NSUN6: variants seen among roughly 807,000 people sequenced by gnomAD.
The protein encoded by NSUN6 is tRNA (cytosine(72)-C(5))-methyltransferase NSUN6.
NSUN6 carries 64 observed loss-of-function variants against 58.0 expected under a neutral mutation model. The ratio of observed to expected loss-of-function variants is 1.10; its 90% CI spans 0.90 to 1.36. NSUN6 has a LOEUF of 1.36. Among genes scored for constraint, NSUN6 ranks in the 40% most tolerant of loss-of-function variants. The pLI is 0.00. For synonymous variants in NSUN6, 231 were observed against 193.9 expected, an observed-to-expected ratio of 1.19 and a Z score of -1.59; for missense variants, 701 against 550.1, an observed-to-expected ratio of 1.27 and a Z score of -2.74.
chr10:18,572,984 C>A (rs965070627), intron 8 of NSUN6, among the ~76,000 whole-genome samples: 43 of 151,094 alleles, frequency 2.8e-4, no homozygotes, highest in African/African-American at 1.0e-3. Context: ...ATTCTCCATT[C>A]CTTTCTCTAT....
Position 18,625,839 on chromosome 10 carries a change from T to A in NSUN6, c.312-9546A>T, listed in dbSNP as rs192085228. Among the ~76,000 whole-genome samples the A allele has an allele frequency of 6.6e-3, 956 of 145,454 alleles. 7 individuals are homozygous for A. Among genetic ancestry groups the A allele is most frequent in the Non-Finnish European group, 9.0e-3 (599 of 66,668 alleles). ...AACTAAGAATTCCACAGATCTCCAA[T>A]CAAAAGACAACGTACTGTTAAAAGG... On this transcript the variant is annotated intron_variant, in intron 3 of 10. Transcript: ENST00000377304.
At chr10:18,612,657 G>C (rs1176469172) in intron 5 of NSUN6, among the ~76,000 whole-genome samples, 1 of 152,110 alleles carries the variant, frequency 6.6e-6, no homozygotes, top group Non-Finnish European at 1.5e-5. Flanking sequence ...GGTGCTCTTC[G>C]ACTATCTCCT....
chr10:18,635,334 CTGTA>C, intron 3 of NSUN6, among the ~76,000 whole-genome samples: 1 of 152,264 alleles, frequency 6.6e-6, no homozygotes, highest in Admixed American at 6.5e-5. Context: ...ATTAGTGTGA[CTGTA>C]TGATAGGTTC....
At chr10:18,571,019 A>G (rs2056329253) in intron 8 of NSUN6, among the ~76,000 whole-genome samples, 1 of 144,984 alleles carries the variant, frequency 6.9e-6, no homozygotes, top group African/African-American at 2.6e-5. Flanking sequence ...TCAATTCCCC[A>G]TTCCATTCCA....
intron 3 of NSUN6, among the ~76,000 whole-genome samples, chr10:18,627,302 G>A (rs1359146534): frequency 6.6e-6 from 1 of 152,136 alleles, no homozygotes; most frequent in African/African-American, 2.4e-5. Context: ...TGATTCATTT[G>A]TATTTTAAAT....
At chr10:18,569,919 C>G (rs906314810) in intron 8 of NSUN6, among the ~76,000 whole-genome samples, 3 of 151,044 alleles carry the variant, frequency 2.0e-5, no homozygotes, top group South Asian at 4.2e-4. Flanking sequence ...ATTCTCCATT[C>G]CATTCCTTTC....
chr10:18,616,776 T>C (rs1412975420), intron 3 of NSUN6, among the ~76,000 whole-genome samples: 3 of 152,174 alleles, frequency 2.0e-5, no homozygotes, highest in Non-Finnish European at 4.4e-5. Flanking sequence ...GTTTCTCACA[T>C]TCATTTCTTA....
At chr10:18,557,480 G>A (rs1053416311) in intron 8 of NSUN6, among the ~76,000 whole-genome samples, 1 of 150,924 alleles carries the variant, frequency 6.6e-6, no homozygotes, top group Non-Finnish European at 1.5e-5. Flanking sequence ...AGAATGGAAT[G>A]GAATAGAGCA....
chr10:18,629,571 T>A (rs7894903), intron 3 of NSUN6, among the ~76,000 whole-genome samples: 63,596 of 122,798 alleles, frequency 0.52, 17,836 homozygotes, highest in East Asian at 0.96. Context: ...TCTACCAAGC[T>A]AATGGAAAAC....
intron 4 of NSUN6, among the ~76,000 whole-genome samples, chr10:18,615,166 TAC>T (rs1459653473): frequency 1.3e-5 from 2 of 151,816 alleles, no homozygotes; most frequent in African/African-American, 2.4e-5. Context: ...CGTGTGTGTA[TAC>T]ACTTAGAATA....
chr10:18,600,169 GTA>G (rs2057749015), intron 6 of NSUN6, among the ~76,000 whole-genome samples: 1 of 151,998 alleles, frequency 6.6e-6, no homozygotes, highest in African/African-American at 2.4e-5. Context: ...GCCACAGGGG[GTA>G]TTGGCTTGGG....
intron 6 of NSUN6, among the ~76,000 whole-genome samples, chr10:18,600,988 A>ATACATATATATATATG (rs2057815830): frequency 7.4e-6 from 1 of 135,752 alleles, no homozygotes; most frequent in Non-Finnish European, 1.5e-5. Context: ...GTATATATAT[A>ATACATATATATATATG]TATATTATAT....
chr10:18,603,932 C>T (rs113131914), intron 6 of NSUN6, among the ~76,000 whole-genome samples: 38,616 of 152,056 alleles, frequency 0.25, 5,657 homozygotes, highest in East Asian at 0.74. Context: ...ACCTGTAATC[C>T]CAGCACTTTG....
chr10:18,606,825 T>G (rs1379828893), intron 6 of NSUN6, among the ~76,000 whole-genome samples: 1 of 152,228 alleles, frequency 6.6e-6, no homozygotes, highest in Non-Finnish European at 1.5e-5. Context: ...TTTCAAGTGA[T>G]TTGATACATA....
At chr10:18,653,241 C>G (rs949693586), upstream of NSUN6, 5 of 984,098 alleles carry the variant, frequency 5.1e-6, no homozygotes, top group African/African-American at 8.7e-5. Context: ...AATGGGCACT[C>G]AAATACTTAC....
intron 8 of NSUN6, among the ~76,000 whole-genome samples, chr10:18,571,947 T>C (rs2056390603): frequency 6.6e-6 from 1 of 151,512 alleles, no homozygotes; most frequent in African/African-American, 2.4e-5. Context: ...CTCCATTCCA[T>C]TCCATTTTCT....
chr10:18,562,334 C>T (rs2055578328), intron 8 of NSUN6, among the ~76,000 whole-genome samples: 1 of 142,980 alleles, frequency 7.0e-6, no homozygotes, highest in Non-Finnish European at 1.5e-5. Flanking sequence ...GAATGGATTG[C>T]AGAATGGAAT....
intron 1 of NSUN6, among the ~76,000 whole-genome samples, chr10:18,649,480 T>C (rs2059641842): frequency 6.6e-6 from 1 of 152,018 alleles, no homozygotes; most frequent in South Asian, 2.1e-4. Context: ...ACAAATATTA[T>C]TAGCCAGAGT....
chr10:18,653,370 T>A, upstream of NSUN6: 3 of 974,328 alleles, frequency 3.1e-6, no homozygotes, highest in South Asian at 1.4e-4. Flanking sequence ...TTGAGGACAT[T>A]TAGACTTTTT....
Sources: gnomAD v4.1 joint callset for allele counts (sites outside exome capture counted in the v4.1 genomes callset) on GRCh38, gnomAD v4.1.1 for gene constraint, MANE v1.5 for transcripts, NCBI Gene and HGNC (gene_info 2026-07-23, HGNC 2026-07-21) for gene names.